LONP1: variants seen among roughly 807,000 people sequenced by gnomAD.
LONP1 encodes lon protease homolog, mitochondrial.
In LONP1, 31 loss-of-function variants were observed where a neutral mutation model predicts 98.5. The observed-to-expected ratio is 0.31, with a 90% CI of 0.24 to 0.42. The LOEUF (loss-of-function observed/expected upper bound fraction) is 0.42, where lower values mean the gene tolerates loss of function less well. Among genes scored for constraint, LONP1 ranks in the 20% least tolerant of loss-of-function variants. The pLI, the probability that LONP1 is intolerant of heterozygous loss-of-function variation, is 1.00. For missense variants in LONP1, 1,336 were observed against 1,350.6 expected (o/e 0.99, Z 0.17); for synonymous variants, 781 against 594.7 (o/e 1.31, Z -4.56).
intron 6 of LONP1, 122 bp downstream of exon 6, chr19:5,707,575 G>A (rs2055167091): frequency 2.9e-6 from 3 of 1,047,982 alleles, no homozygotes; most frequent in Non-Finnish European, 4.3e-6. Flanking sequence ...GCACGGTGGA[G>A]GGACAAGGGC....
intron 13 of LONP1, 79 bp from the exon 14 acceptor site, chr19:5,694,980 C>G: frequency 6.7e-7 from 1 of 1,490,366 alleles, no homozygotes; most frequent in Admixed American, 1.9e-5. Flanking sequence ...GCCAATGCCT[C>G]TCCCATGGCC....
At chr19:5,696,564 C>T (rs970717898) in intron 11 of LONP1, 106 bp downstream of exon 11, 51 of 1,312,194 alleles carry the variant, frequency 3.9e-5, no homozygotes, top group Non-Finnish European at 5.2e-5. Context: ...AGCATCACGG[C>T]GATGGCCCCT....
chr19:5,694,604 G>A lies in LONP1; in HGVS notation c.2155-52C>T, dbSNP rs542849522. The A allele has an allele frequency of 1.1e-4, 163 of 1,516,476 alleles. 1 individual carries two copies. Among genetic ancestry groups the A allele is most frequent in the Non-Finnish European group, 1.3e-4 (144 of 1,106,044 alleles). The allele number at this position is 1,516,476 out of a possible 1,614,324, so 93.9% of individuals were successfully genotyped here. ...CACGGGAAGGTGGGGTGACAGGTGCGGGGTGGTGGGGTGACGGGCACAGAA... is the reference window on the plus strand; with the variant it reads ...CACGGGAAGGTGGGGTGACAGGTGCAGGGTGGTGGGGTGACGGGCACAGAA... On this transcript the variant is annotated intron_variant, in intron 14 of 17. Transcript: ENST00000360614.
intron 1 of LONP1, among the ~76,000 whole-genome samples, chr19:5,716,865 C>A (rs1039779320): frequency 6.6e-6 from 1 of 152,228 alleles, no homozygotes; most frequent in Non-Finnish European, 1.5e-5. Context: ...GCGATCTCAG[C>A]TCACTGCAAG....
Position 5,699,076 on chromosome 19 carries a change from G to C in LONP1, c.1636C>G (p.Arg546Gly). The C allele has an allele frequency of 6.2e-7, 1 of 1,608,710 alleles. No homozygotes were observed. The highest frequency in any genetic ancestry group is 8.5e-7 in the Non-Finnish European group (1 of 1,176,922). Reference sequence around the variant, plus strand: ...TCAGTCATGCCCCCGACGCTGAAGCGGAAGTACTCTCGGTTCAGGGCGCGG... The same window carrying C: ...TCAGTCATGCCCCCGACGCTGAAGCCGAAGTACTCTCGGTTCAGGGCGCGG... ...IARALNREYF[R>G]FSVGGMTDVA... Residue 546 changes from arginine (R) to glycine (G), a missense_variant, in exon 10 of 18, where the codon CGC becomes GGC. Transcript: ENST00000360614.
intron 4 of LONP1, among the ~76,000 whole-genome samples, chr19:5,711,348 G>C (rs1240095582): frequency 6.6e-6 from 1 of 152,258 alleles, no homozygotes; most frequent in African/African-American, 2.4e-5. Context: ...CCACCAGGCA[G>C]GCAGGACGGC....
At chr19:5,692,274 A>G (rs1427630547) in intron 17 of LONP1, 66 bp from the exon 18 acceptor site, 2 of 1,480,198 alleles carry the variant, frequency 1.4e-6, no homozygotes, top group East Asian at 4.6e-5. Flanking sequence ...GCTAACCTCC[A>G]GGAACGAAAG....
chr19:5,715,624 AGAGT>A (rs1182647281), intron 1 of LONP1, among the ~76,000 whole-genome samples: 16 of 121,360 alleles, frequency 1.3e-4, no homozygotes, highest in Non-Finnish European at 2.3e-4. Context: ...CCTGGGCGAC[AGAGT>A]GAGACTCTGT....
rs1169174199 is a variant in LONP1 at position 5,719,778 on chromosome 19, C to G, written c.355G>C (p.Asp119His). 1.2e-6 allele frequency: 2 copies of G among 1,613,378 alleles called. No homozygotes were observed. Among genetic ancestry groups the G allele is most frequent in the Admixed American group, 3.3e-5 (2 of 60,034 alleles). ...ATGAGCGGCAGGTGCGGAAACACAT[C>G]GGGGATCGTCATGGGCGTGAGCGCC... ...ITALTPMTIP[D>H]VFPHLPLIAI... The change falls in exon 1 of 18, where the codon GAT becomes CAT. Residue 119 changes from aspartate to histidine, a missense_variant. Physicochemically the swap from Asp to His is moderately conservative, Grantham distance 81. Transcript: ENST00000360614.
intron 2 of LONP1, 88 bp from the exon 3 acceptor site, chr19:5,713,341 AG>A: frequency 6.8e-7 from 1 of 1,466,208 alleles, no homozygotes; most frequent in Non-Finnish European, 9.5e-7. Context: ...GGGAGAGAAA[AG>A]AAACGCCCCT....
intron 3 of LONP1, 21 bp from the exon 4 acceptor site, chr19:5,712,023 G>T: frequency 6.3e-7 from 1 of 1,593,284 alleles, no homozygotes. Context: ...AGCAAGGCAG[G>T]TGTGAATCAG....
intron 1 of LONP1, among the ~76,000 whole-genome samples, chr19:5,716,933 A>G (rs1032737524): frequency 1.3e-5 from 2 of 151,944 alleles, no homozygotes; most frequent in Non-Finnish European, 2.9e-5. Flanking sequence ...AGCTGGGACT[A>G]CGGGCGCCCA....
chr19:5,696,888 G>A (rs539637798), intron 10 of LONP1, 131 bp from the exon 11 acceptor site: 222 of 631,624 alleles, frequency 3.5e-4, no homozygotes, highest in African/African-American at 1.8e-3. Context: ...TGTGGGAGGC[G>A]GAAATGCTGG....
At chr19:5,714,135 G>T (rs773344842) in intron 2 of LONP1, 48 bp downstream of exon 2, 1 of 1,438,292 alleles carries the variant, frequency 7.0e-7, no homozygotes, top group South Asian at 1.2e-5. Flanking sequence ...TGGTGAGCTG[G>T]ACTCTAGGGC....
intron 11 of LONP1, 34 bp from the exon 12 acceptor site, chr19:5,696,405 C>G: frequency 6.2e-7 from 1 of 1,605,750 alleles, no homozygotes; most frequent in Non-Finnish European, 8.5e-7. Flanking sequence ...TGCCCCTCGC[C>G]GTGCCCCTGG....
At chr19:5,706,384 G>A (rs148692591) in intron 7 of LONP1, among the ~76,000 whole-genome samples, 1,743 of 152,284 alleles carry the variant, frequency 0.011, 12 homozygotes, top group Middle Eastern at 0.054. Flanking sequence ...TGAAGCGGGC[G>A]GATCACTTGA....
intron 8 of LONP1, among the ~76,000 whole-genome samples, chr19:5,703,337 G>A (rs575161779): frequency 9.2e-5 from 14 of 152,292 alleles, no homozygotes; most frequent in African/African-American, 1.9e-4. Context: ...CAGAGGGGAC[G>A]AGGCTTAGAA....
chr19:5,702,105 G>A lies in LONP1; in HGVS notation c.1368-1178C>T, dbSNP rs561221977. ...GGGTCAGCCCCCCACCCGGCCAGCCGCCCCGTCCGGGAGGTGAGGGGCGCC... is the reference window on the plus strand; with the variant it reads ...GGGTCAGCCCCCCACCCGGCCAGCCACCCCGTCCGGGAGGTGAGGGGCGCC... On this transcript the variant is annotated intron_variant, in intron 8 of 17. Coordinates refer to ENST00000360614, the MANE Select transcript of LONP1 (RefSeq NM_004793.4). 1.2e-3 allele frequency among the ~76,000 whole-genome samples: 181 copies of A among 145,264 alleles called. 1 individual carries two copies. The highest frequency in any genetic ancestry group is 2.2e-3 in the Non-Finnish European group (147 of 66,134).
In LONP1 at chr19:5,708,368, G is replaced by A; in HGVS notation, c.906C>T (p.Asp302=). The A allele has an allele frequency of 6.2e-7, 1 of 1,612,010 alleles. No homozygotes were observed. Among genetic ancestry groups the A allele is most frequent in the Non-Finnish European group, 8.5e-7 (1 of 1,179,924 alleles). ...LTAEIVKTIR[D]IIALNPLYRE... is the part of the protein sequence containing the mutation. ...TGTAGAGAGGGTTCAAGGCAATGAT[G>A]TCCCGGATGGTCTTCACGATCTCTG... Residue 302 remains aspartate (D), a synonymous_variant, in exon 5 of 18, where the codon GAC becomes GAT. Transcript: ENST00000360614.
Sources: gnomAD v4.1 joint callset for allele counts (sites outside exome capture counted in the v4.1 genomes callset) on GRCh38, gnomAD v4.1.1 for gene constraint, MANE v1.5 for transcripts, NCBI Gene and HGNC (gene_info 2026-07-23, HGNC 2026-07-21) for gene names.